ARRDC3: variants seen among roughly 807,000 people sequenced by gnomAD.
The protein encoded by ARRDC3 is arrestin domain-containing protein 3.
Under a neutral mutation model 47.2 loss-of-function variants are expected in ARRDC3, and 10 were observed. The observed-to-expected ratio is 0.21, with a 90% CI of 0.13 to 0.36. ARRDC3 has a LOEUF of 0.36. Ranked by LOEUF, ARRDC3 falls within the 10% of genes least tolerant of loss-of-function variation. The pLI, the probability that ARRDC3 is intolerant of heterozygous loss-of-function variation, is 1.00. For missense variants in ARRDC3, 381 were observed against 503.6 expected (o/e 0.76, Z 2.33); for synonymous variants, 156 against 178.3 (o/e 0.87, Z 1.00).
intron 7 of ARRDC3, among the ~76,000 whole-genome samples, chr5:91,373,220 A>G (rs147608997): frequency 1.4e-4 from 22 of 152,346 alleles, no homozygotes; most frequent in Non-Finnish European, 2.5e-4. Flanking sequence ...GAACGAAAAT[A>G]GTCTAACCAT....
intron 2 of ARRDC3, among the ~76,000 whole-genome samples, chr5:91,377,641 T>C (rs937389444): frequency 1.3e-5 from 2 of 151,928 alleles, no homozygotes; most frequent in Non-Finnish European, 2.9e-5. Flanking sequence ...TCTTAAACTG[T>C]ATGCTAATAG....
At position 91,371,119 on chromosome 5, in the gene ARRDC3, C is replaced by T. The variant is rs577932793; in HGVS notation, c.*281G>A. 22 of 342,226 alleles carry T rather than the reference C, an allele frequency of 6.4e-5. No homozygotes were observed. Among genetic ancestry groups the T allele is most frequent in the African/African-American group, 1.3e-4 (6 of 47,020 alleles). 21.2% of individuals were successfully genotyped at this position (342,226 alleles called of 1,614,324 possible). On this transcript the variant is annotated 3_prime_UTR_variant, in exon 8 of 8. Transcript: ENST00000265138. The stretch of plus-strand genomic sequence containing the variant: ...AGAAGGAAATCATCCCTCTTTACAA[C>T]GTGATGTCTTGACACGTACGACCAT...
At position 91,375,010 on chromosome 5, in the gene ARRDC3, T is replaced by C. The variant is rs774078389; in HGVS notation, c.782A>G (p.Glu261Gly). 4 of 1,614,232 alleles carry C rather than the reference T, an allele frequency of 2.5e-6. No individual in the cohort carries two copies. The highest frequency in any genetic ancestry group is 2.5e-6 in the Non-Finnish European group (3 of 1,180,018). Residue 261 changes from glutamate (E) to glycine (G), a missense_variant, in exon 5 of 8, where the codon GAG becomes GGG. Glu to Gly is a moderately conservative substitution (Grantham distance 98). Coordinates refer to ENST00000265138, the MANE Select transcript of ARRDC3 (RefSeq NM_020801.4). ...RGESLSSGKT[E>G]TWNGKLLKIP... The stretch of plus-strand genomic sequence containing the variant: ...TTTCAGCAACTTGCCATTCCACGTC[T>C]CTGTCTTTCCAGATGATAAGGATTC...
At chr5:91,374,885 AAAAAG>A (rs1561291218) in intron 5 of ARRDC3, 32 bp downstream of exon 5, 2 of 1,599,164 alleles carry the variant, frequency 1.3e-6, no homozygotes, top group East Asian at 4.5e-5. Flanking sequence ...TCAAAAAAGA[AAAAAG>A]AAAGGAAAAA....
In ARRDC3 at chr5:91,371,059, G is replaced by T; in HGVS notation, c.*341C>A. On this transcript the variant is annotated 3_prime_UTR_variant, in exon 8 of 8. Transcript: ENST00000265138. ...CTGTAGTGACGTCGAACCGCACAAT[G>T]TAAGCATTGAGCATGTGCAAATTTT... The T allele has an allele frequency of 3.5e-5, 7 of 200,544 alleles. No homozygotes were observed. The highest frequency in any genetic ancestry group is 3.9e-5 in the Non-Finnish European group (4 of 102,446). 12.4% of individuals were successfully genotyped at this position (200,544 alleles called of 1,614,324 possible).
At chr5:91,382,481 A>G (rs919699250) in intron 1 of ARRDC3, among the ~76,000 whole-genome samples, 2 of 152,262 alleles carry the variant, frequency 1.3e-5, no homozygotes, top group African/African-American at 4.8e-5. Context: ...GCTTTTACCA[A>G]TTCATTTGAA....
intron 1 of ARRDC3, among the ~76,000 whole-genome samples, chr5:91,382,530 A>G (rs751143370): frequency 6.6e-6 from 1 of 152,250 alleles, no homozygotes; most frequent in Non-Finnish European, 1.5e-5. Flanking sequence ...TTCAAACAGA[A>G]TTTATAAGTA....
rs1799120918 is a variant in ARRDC3 at position 91,369,558 on chromosome 5, A to C, written c.*1842T>G. 1 of 152,490 alleles carries C rather than the reference A, an allele frequency of 6.6e-6. No individual in the cohort carries two copies. Among genetic ancestry groups the C allele is most frequent in the Admixed American group, 6.6e-5 (1 of 15,246 alleles). The allele number at this position is 152,490 out of a possible 1,614,324, so 9.4% of individuals were successfully genotyped here. Reference sequence around the variant, plus strand: ...TTTTCTTAAAGGCCACTTATGGAAAAGCCTATTTGTTTTGTATGAGCTTTA... The same window carrying C: ...TTTTCTTAAAGGCCACTTATGGAAACGCCTATTTGTTTTGTATGAGCTTTA... On this transcript the variant is annotated 3_prime_UTR_variant, in exon 8 of 8. Transcript: ENST00000265138.
At position 91,376,584 on chromosome 5, in the gene ARRDC3, C is replaced by T. The variant is rs1249883926; in HGVS notation, c.510+37G>A. ...TTGATTATTCTTTAATATTTATATGCCAAAAACAAAGAATAAATAATTCAG... is the reference window on the plus strand; with the variant it reads ...TTGATTATTCTTTAATATTTATATGTCAAAAACAAAGAATAAATAATTCAG... On this transcript the variant is annotated intron_variant, in intron 3 of 7. Transcript: ENST00000265138. 10 of 1,534,598 alleles carry T rather than the reference C, an allele frequency of 6.5e-6. No individual in the cohort carries two copies. The South Asian group carries it at 1.2e-4, about 18-fold the overall frequency.
At chr5:91,380,353 C>G (rs975362683) in intron 1 of ARRDC3, 2 of 152,794 alleles carry the variant, frequency 1.3e-5, no homozygotes, top group Admixed American at 6.5e-5. Context: ...TTCCGCTTTA[C>G]ACGCCCCAGC....
At chr5:91,376,325 C>T (rs912944477) in intron 3 of ARRDC3, among the ~76,000 whole-genome samples, 15 of 152,106 alleles carry the variant, frequency 9.9e-5, no homozygotes, top group Admixed American at 6.6e-4. Flanking sequence ...CTCAAATCAT[C>T]CAAGGACCAG....
Position 91,371,466 on chromosome 5 carries a change from A to T in ARRDC3, c.1189-10T>A, listed in dbSNP as rs1218645945. 2.5e-6 allele frequency: 4 copies of T among 1,610,416 alleles called. No individual in the cohort carries two copies. The highest frequency in any genetic ancestry group is 1.3e-5 in the African/African-American group (1 of 74,794). Reference sequence around the variant, plus strand: ...CAGGATTTGGATCAATCTAGAAAGAAATGAGAAAAAAAGTTTACAGAGTTA... The same window carrying T: ...CAGGATTTGGATCAATCTAGAAAGATATGAGAAAAAAAGTTTACAGAGTTA... On this transcript the variant is annotated splice_polypyrimidine_tract_variant and intron_variant, in intron 7 of 7. Transcript: ENST00000265138.
Position 91,369,026 on chromosome 5 carries a change from T to C in ARRDC3, c.*2374A>G, listed in dbSNP as rs1322596485. The C allele has an allele frequency of 1.3e-5, 2 of 152,630 alleles. No homozygotes were observed. The allele number at this position is 152,630 out of a possible 1,614,324, so 9.5% of individuals were successfully genotyped here. A position where few individuals can be genotyped will look rare whatever the true frequency, so the allele number is the denominator to read the frequency against. ...TGAACCTCACATCTTATGTCAGGAA[T>C]TGACCAATATTTTTAAAAAAGTAAT... On this transcript the variant is annotated 3_prime_UTR_variant, in exon 8 of 8. Coordinates refer to ENST00000265138, the MANE Select transcript of ARRDC3 (RefSeq NM_020801.4).
chr5:91,376,822 A>G, intron 2 of ARRDC3, 54 bp from the exon 3 acceptor site: 1 of 1,501,406 alleles, frequency 6.7e-7, no homozygotes, highest in Non-Finnish European at 9.0e-7. Flanking sequence ...TCTAACAATT[A>G]CACAGTAGGT....
In ARRDC3 at chr5:91,376,696, A is replaced by C. The variant is rs532871066; in HGVS notation, c.435T>G (p.Pro145=). The C allele has an allele frequency of 5.0e-5, 81 of 1,613,956 alleles. No individual in the cohort carries two copies. The South Asian group carries it at 7.5e-4, about 15-fold the overall frequency. The change falls in exon 3 of 8, where the codon CCT becomes CCG. Residue 145 remains proline (P), a synonymous_variant. Transcript: ENST00000265138. ...RYWVKAELHR[P]WLLPVKLKKE... ...TCTTTAATTTTACTGGTAGTAGCCA[A>C]GGCCTGTGCAATTCGGCTTTCACCC...
intron 3 of ARRDC3, among the ~76,000 whole-genome samples, chr5:91,376,220 A>G (rs1003012261): frequency 6.6e-6 from 1 of 152,168 alleles, no homozygotes; most frequent in African/African-American, 2.4e-5. Context: ...CTATCCCTCT[A>G]TTGGAATAAC....
At chr5:91,373,958 C>T in intron 6 of ARRDC3, 120 bp from the exon 7 acceptor site, 1 of 1,474,630 alleles carries the variant, frequency 6.8e-7, no homozygotes, top group East Asian at 2.3e-5. Flanking sequence ...GTGATCAAAA[C>T]TATGAAGACA....
chr5:91,381,394 A>C (rs1003539332), intron 1 of ARRDC3, among the ~76,000 whole-genome samples: 1 of 152,224 alleles, frequency 6.6e-6, no homozygotes, highest in South Asian at 2.1e-4. Context: ...AGAAAGGTAC[A>C]AACACAAAGT....
rs1370979012 is a variant in ARRDC3, at chr5:91,383,252, A to G, written c.-160T>C. On this transcript the variant is annotated 5_prime_UTR_variant, in exon 1 of 8. Coordinates refer to ENST00000265138, the MANE Select transcript of ARRDC3 (RefSeq NM_020801.4). ...CAAATAGTTCATTGAGATTTCTTAA[A>G]AAGTCAGGGCAGCAGAGGCTGCTGC... The G allele has an allele frequency of 1.4e-6, 1 of 705,100 alleles. No individual in the cohort carries two copies. The highest frequency in any genetic ancestry group is 2.1e-5 in the South Asian group (1 of 47,152). The allele number at this position is 705,100 out of a possible 1,614,324, so 43.7% of individuals were successfully genotyped here. A position where few individuals can be genotyped will look rare whatever the true frequency, so the allele number is the denominator to read the frequency against.
Sources: allele counts gnomAD v4.1 joint callset (sites outside exome capture counted in the v4.1 genomes callset), GRCh38; gene constraint gnomAD v4.1.1; transcripts MANE v1.5; gene names NCBI Gene and HGNC (gene_info 2026-07-23, HGNC 2026-07-21).